Variants in RAD18 observed in about 807,000 individuals in gnomAD.
RAD18 encodes E3 ubiquitin-protein ligase RAD18.
In RAD18, 47 loss-of-function variants were observed where a neutral mutation model predicts 60.4. The observed-to-expected ratio is 0.78, with a 90% CI of 0.62 to 0.99. The LOEUF (loss-of-function observed/expected upper bound fraction) is 0.99, where lower values mean the gene tolerates loss of function less well. Ranked by LOEUF, RAD18 falls within the 50% of genes least tolerant of loss-of-function variation. The pLI is 0.00. For missense variants in RAD18, 640 were observed against 593.3 expected, an observed-to-expected ratio of 1.08 and a Z score of -0.82; for synonymous variants, 225 against 195.5, an observed-to-expected ratio of 1.15 and a Z score of -1.26.
At chr3:8,924,848 T>G (rs1228082581) in intron 7 of RAD18, among the ~76,000 whole-genome samples, 4 of 151,612 alleles carry the variant, frequency 2.6e-5, no homozygotes, top group African/African-American at 9.7e-5. Context: ...AATAAAGATG[T>G]TCTTTGAAAC....
intron 7 of RAD18, among the ~76,000 whole-genome samples, chr3:8,923,855 A>G (rs1212033131): frequency 1.3e-5 from 2 of 152,204 alleles, no homozygotes; most frequent in East Asian, 1.9e-4. Flanking sequence ...TTTACAGACA[A>G]GCAAATGCTG....
chr3:8,909,573 T>G (rs1940072725), intron 9 of RAD18, among the ~76,000 whole-genome samples: 1 of 152,108 alleles, frequency 6.6e-6, no homozygotes, highest in African/African-American at 2.4e-5. Flanking sequence ...AGCTAGTTAT[T>G]AGCAACAGTG....
intron 10 of RAD18, among the ~76,000 whole-genome samples, chr3:8,899,451 T>C (rs1939860509): frequency 1.3e-5 from 2 of 152,216 alleles, no homozygotes. Flanking sequence ...CAATATTTGC[T>C]ACTATTATAT....
intron 10 of RAD18, among the ~76,000 whole-genome samples, chr3:8,901,087 T>C (rs1939904038): frequency 6.6e-6 from 1 of 152,244 alleles, no homozygotes; most frequent in African/African-American, 2.4e-5. Context: ...ACAAATTGTT[T>C]ATTAGTCACT....
chr3:8,932,619 A>G (rs1400499960), intron 7 of RAD18, among the ~76,000 whole-genome samples: 2 of 152,172 alleles, frequency 1.3e-5, no homozygotes, highest in Non-Finnish European at 2.9e-5. Flanking sequence ...TTACCATATG[A>G]CCAGCAATTC....
At chr3:8,956,053 A>G (rs1941005073) in intron 2 of RAD18, among the ~76,000 whole-genome samples, 1 of 152,212 alleles carries the variant, frequency 6.6e-6, no homozygotes, top group Non-Finnish European at 1.5e-5. Flanking sequence ...TACTATAACA[A>G]AAGTTATGTA....
chr3:8,881,382 G>A lies in RAD18; in HGVS notation c.1463C>T (p.Pro488Leu), dbSNP rs1199127071. Residue 488 changes from proline (P) to leucine (L), a missense_variant, in exon 13 of 13, where the codon CCA (proline) becomes CTA (leucine). Physicochemically the swap from Pro to Leu is moderately conservative, Grantham distance 98. Coordinates refer to ENST00000264926, the MANE Select transcript of RAD18 (RefSeq NM_020165.4). ...TTAATTCCTATTACGCTTGTTTCTT[G>A]GTTCAATCTCAGCACTTTCAGCGGC... is the stretch of plus-strand genomic sequence containing the variant. ...TRAAESAEIE[P>L]RNKRNRN 1.2e-6 allele frequency: 2 copies of A among 1,609,918 alleles called. No homozygotes were observed. The highest frequency in any genetic ancestry group is 1.1e-5 in the South Asian group (1 of 90,974).
intron 1 of RAD18, among the ~76,000 whole-genome samples, chr3:8,959,699 C>T (rs948992945): frequency 1.3e-5 from 2 of 152,204 alleles, no homozygotes; most frequent in African/African-American, 4.8e-5. Context: ...AACGGAACTA[C>T]TCTGGCAACC....
chr3:8,890,575 A>T, intron 11 of RAD18, 124 bp from the exon 12 acceptor site: 1 of 646,508 alleles, frequency 1.5e-6, no homozygotes, highest in South Asian at 2.4e-5. Flanking sequence ...GGTTACCAGT[A>T]AGAGGAAGGA....
chr3:8,959,083 TAA>T, intron 1 of RAD18, 82 bp from the exon 2 acceptor site: 2 of 928,662 alleles, frequency 2.2e-6, no homozygotes, highest in South Asian at 1.6e-5. Context: ...CTCTATCCCC[TAA>T]AAAAAAAATC....
At chr3:8,885,903 T>C (rs984620403) in intron 12 of RAD18, among the ~76,000 whole-genome samples, 1 of 152,214 alleles carries the variant, frequency 6.6e-6, no homozygotes, top group East Asian at 1.9e-4. Flanking sequence ...TCAGCCACTA[T>C]AAAACTAGCC....
At chr3:8,950,548 T>C (rs1345856744) in intron 2 of RAD18, among the ~76,000 whole-genome samples, 1 of 152,142 alleles carries the variant, frequency 6.6e-6, no homozygotes, top group Non-Finnish European at 1.5e-5. Flanking sequence ...GACCTAATCA[T>C]AGGACTATAG....
At position 8,963,350 on chromosome 3, in the gene RAD18, G is replaced by T. The variant is rs112870242; in HGVS notation, c.36C>A (p.Gly12=). Residue 12 remains glycine, a synonymous_variant, in exon 1 of 13, where the codon GGC becomes GGA. Coordinates refer to ENST00000264926, the MANE Select transcript of RAD18 (RefSeq NM_020165.4). ...AAGCACTCACCTTCATGACTGCCAG[G>T]CCCGGAGGCCACCGAGACTCGGCCA... ...DSLAESRWPP[G]LAVMKTIDDL... is the part of the protein sequence containing the mutation. The T allele has an allele frequency of 3.1e-6, 5 of 1,609,892 alleles. No homozygotes were observed. The highest frequency in any genetic ancestry group is 2.7e-5 in the African/African-American group (2 of 74,716).
chr3:8,909,926 C>A (rs1299829375), intron 9 of RAD18, among the ~76,000 whole-genome samples: 1 of 152,212 alleles, frequency 6.6e-6, no homozygotes, highest in African/African-American at 2.4e-5. Context: ...GCAGTTTAGA[C>A]AAGCTTGCAT....
At chr3:8,897,822 T>C (rs1292773118) in intron 11 of RAD18, among the ~76,000 whole-genome samples, 2 of 152,160 alleles carry the variant, frequency 1.3e-5, no homozygotes, top group East Asian at 3.9e-4. Flanking sequence ...TTCCAGCACT[T>C]TGGGAGGCCG....
At chr3:8,935,718 ATACTC>A (rs1940637363) in intron 7 of RAD18, among the ~76,000 whole-genome samples, 148 bp downstream of exon 7, 1 of 152,224 alleles carries the variant, frequency 6.6e-6, no homozygotes, top group South Asian at 2.1e-4. Context: ...TTATCATAGC[ATACTC>A]TAGGTACCTT....
intron 12 of RAD18, among the ~76,000 whole-genome samples, chr3:8,884,719 T>G (rs913030114): frequency 1.3e-5 from 2 of 152,228 alleles, no homozygotes; most frequent in Non-Finnish European, 2.9e-5. Flanking sequence ...TCATCTATAC[T>G]TCTTCCACTT....
In RAD18 at chr3:8,939,700, G is replaced by A. The variant is rs768257742; in HGVS notation, c.605-47C>T. On this transcript the variant is annotated intron_variant, in intron 5 of 12. Transcript: ENST00000264926. ...AGAGAGACTTTATTAATTGTAGAAGGGGCAAAAGTATGTAAACTGGCATCT... is the reference window on the plus strand; with the variant it reads ...AGAGAGACTTTATTAATTGTAGAAGAGGCAAAAGTATGTAAACTGGCATCT... 10 of 1,492,070 alleles carry A rather than the reference G, an allele frequency of 6.7e-6. No homozygotes were observed. In the East Asian group the frequency reaches 2.1e-4, roughly 31 times the overall value. The allele number at this position is 1,492,070 out of a possible 1,614,324, so 92.4% of individuals were successfully genotyped here. A position where few individuals can be genotyped will look rare whatever the true frequency, so the allele number is the denominator to read the frequency against.
At chr3:8,945,560 C>A (rs940772552) in intron 4 of RAD18, among the ~76,000 whole-genome samples, 4 of 148,364 alleles carry the variant, frequency 2.7e-5, no homozygotes, top group Non-Finnish European at 5.9e-5. Flanking sequence ...CAACCTCCAA[C>A]TCCCTGGTTC....
Sources: gnomAD v4.1 joint callset for allele counts (sites outside exome capture counted in the v4.1 genomes callset) on GRCh38, gnomAD v4.1.1 for gene constraint, MANE v1.5 for transcripts, NCBI Gene and HGNC (gene_info 2026-07-23, HGNC 2026-07-21) for gene names.